Variants in NR3C2 observed in about 807,000 individuals in gnomAD.
NR3C2 encodes the protein mineralocorticoid receptor.
NR3C2 carries 15 observed loss-of-function variants against 86.4 expected under a neutral mutation model. That is an observed-to-expected ratio of 0.17 (90% confidence interval 0.12 to 0.27). The LOEUF (loss-of-function observed/expected upper bound fraction) is 0.27. Among genes scored for constraint, NR3C2 ranks in the 10% least tolerant of loss-of-function variants. The pLI, the probability that NR3C2 is intolerant of heterozygous loss-of-function variation, is 1.00. For synonymous variants in NR3C2, 458 were observed against 450.5 expected (o/e 1.02, Z -0.21); for missense variants, 960 against 1,195.6 (o/e 0.80, Z 2.91).
chr4:148,232,275 G>T (rs1376257108), intron 3 of NR3C2, among the ~76,000 whole-genome samples: 1 of 152,164 alleles, frequency 6.6e-6, no homozygotes, highest in Non-Finnish European at 1.5e-5. Flanking sequence ...TAAATAATAA[G>T]ACATGAAAGT....
intron 2 of NR3C2, among the ~76,000 whole-genome samples, chr4:148,404,854 T>A (rs1336521108): frequency 6.6e-6 from 1 of 152,164 alleles, no homozygotes; most frequent in Non-Finnish European, 1.5e-5. Flanking sequence ...AGGAAAAAAT[T>A]ATAATCAAAT....
chr4:148,347,029 G>GA (rs1459930568), intron 2 of NR3C2, among the ~76,000 whole-genome samples: 5 of 152,140 alleles, frequency 3.3e-5, no homozygotes, highest in Non-Finnish European at 5.9e-5. Context: ...TGGAAGGCAA[G>GA]AAGGCTCTGA....
chr4:148,337,704 A>C (rs947450176), intron 2 of NR3C2, among the ~76,000 whole-genome samples: 5 of 152,208 alleles, frequency 3.3e-5, no homozygotes, highest in African/African-American at 1.2e-4. Flanking sequence ...AATCTTAAAA[A>C]TGTTTCTATG....
At chr4:148,130,810 T>G (rs1364241743) in intron 6 of NR3C2, among the ~76,000 whole-genome samples, 4 of 58,444 alleles carry the variant, frequency 6.8e-5, no homozygotes, top group Non-Finnish European at 1.2e-4. Flanking sequence ...TTTTGTTTTG[T>G]TTTGTTTTGT....
chr4:148,129,990 C>G (rs1732942544), intron 6 of NR3C2, among the ~76,000 whole-genome samples: 1 of 152,178 alleles, frequency 6.6e-6, no homozygotes, highest in Non-Finnish European at 1.5e-5. Context: ...TTATAATATA[C>G]AAAATGTCTG....
At chr4:148,089,824 A>G (rs1730980792) in intron 8 of NR3C2, among the ~76,000 whole-genome samples, 1 of 152,208 alleles carries the variant, frequency 6.6e-6, no homozygotes, top group Non-Finnish European at 1.5e-5. Context: ...GGATGCTTCC[A>G]TCAGGCTAGC....
chr4:148,296,830 T>C (rs981761113), intron 2 of NR3C2, among the ~76,000 whole-genome samples: 1 of 152,184 alleles, frequency 6.6e-6, no homozygotes, highest in Non-Finnish European at 1.5e-5. Flanking sequence ...TATCAAAAAT[T>C]TAAGAGACAT....
intron 2 of NR3C2, among the ~76,000 whole-genome samples, chr4:148,282,374 G>C (rs1266348761): frequency 1.3e-5 from 2 of 152,082 alleles, no homozygotes; most frequent in South Asian, 2.1e-4. Context: ...TTTCCTACAT[G>C]GTAGGCTCAG....
intron 4 of NR3C2, among the ~76,000 whole-genome samples, chr4:148,187,084 A>T (rs1351482078): frequency 5.5e-5 from 8 of 146,644 alleles, no homozygotes; most frequent in Non-Finnish European, 1.2e-4. Flanking sequence ...TGTGATATGT[A>T]TATATCACAG....
chr4:148,307,334 T>A (rs1742680255), intron 2 of NR3C2, among the ~76,000 whole-genome samples: 1 of 152,152 alleles, frequency 6.6e-6, no homozygotes. Context: ...AAGGTGAAAA[T>A]GAAATGGTGA....
chr4:148,153,325 C>T (rs935888975), intron 5 of NR3C2, among the ~76,000 whole-genome samples: 1 of 152,142 alleles, frequency 6.6e-6, no homozygotes, highest in African/African-American at 2.4e-5. Context: ...TTACAGGTGC[C>T]TGCCAGGACG....
intron 7 of NR3C2, among the ~76,000 whole-genome samples, chr4:148,119,185 C>T (rs1732400092): frequency 6.6e-6 from 1 of 152,184 alleles, no homozygotes. Context: ...ACTCCTCCAT[C>T]CAACATAACT....
At chr4:148,359,609 G>A (rs914215212) in intron 2 of NR3C2, among the ~76,000 whole-genome samples, 6 of 152,150 alleles carry the variant, frequency 3.9e-5, no homozygotes, top group Admixed American at 1.3e-4. Context: ...AGTTTAAAGA[G>A]TTTTGTTCTT....
At chr4:148,286,254 T>A (rs904047635) in intron 2 of NR3C2, among the ~76,000 whole-genome samples, 1 of 152,206 alleles carries the variant, frequency 6.6e-6, no homozygotes, top group African/African-American at 2.4e-5. Flanking sequence ...GGAAACACTG[T>A]AAAAACCCAG....
chr4:148,337,393 A>G (rs889951505), intron 2 of NR3C2, among the ~76,000 whole-genome samples: 1 of 152,220 alleles, frequency 6.6e-6, no homozygotes, highest in African/African-American at 2.4e-5. Flanking sequence ...GTTGGTTCAC[A>G]TGGCATTCTG....
chr4:148,416,232 TC>T (rs1748988800), intron 2 of NR3C2, among the ~76,000 whole-genome samples: 1 of 152,200 alleles, frequency 6.6e-6, no homozygotes, highest in South Asian at 2.1e-4. Context: ...TAAATCTTTT[TC>T]CATATGTATA....
At chr4:148,299,484 C>T (rs563781376) in intron 2 of NR3C2, among the ~76,000 whole-genome samples, 59 of 152,250 alleles carry the variant, frequency 3.9e-4, no homozygotes, top group Admixed American at 1.4e-3. Context: ...CACAGACATG[C>T]GTGGGATGGA....
chr4:148,439,333 AAT>A (rs72645699), intron 1 of NR3C2, among the ~76,000 whole-genome samples: 1 of 152,166 alleles, frequency 6.6e-6, no homozygotes, highest in Non-Finnish European at 1.5e-5. Flanking sequence ...CAACACAATA[AAT>A]ATGTCTATTT....
rs116669477 is a variant in NR3C2 at position 148,316,124 on chromosome 4, C to A, written c.1758-56007G>T. On this transcript the variant is annotated intron_variant, in intron 2 of 8. Transcript: ENST00000358102. ...TCAATTAATACAATTTTTTTCATAT[C>A]GAAAATGCTTACGATATGCTAAGCA... is the stretch of plus-strand genomic sequence containing the variant. Among the ~76,000 whole-genome samples, 199 of 151,938 alleles carry A rather than the reference C, an allele frequency of 1.3e-3. 1 individual carries two copies. Among genetic ancestry groups the A allele is most frequent in the African/African-American group, 4.5e-3 (187 of 41,460 alleles).
Sources: gnomAD v4.1 joint callset for allele counts (sites outside exome capture counted in the v4.1 genomes callset) on GRCh38, gnomAD v4.1.1 for gene constraint, MANE v1.5 for transcripts, NCBI Gene and HGNC (gene_info 2026-07-23, HGNC 2026-07-21) for gene names.